Variants in PPP1R9A observed in about 807,000 individuals in gnomAD.
PPP1R9A encodes the protein protein phosphatase 1 regulatory subunit 9A.
In PPP1R9A, 59 loss-of-function variants were observed where a neutral mutation model predicts 141.9. The observed-to-expected ratio is 0.42, with a 90% CI of 0.34 to 0.52. The LOEUF (loss-of-function observed/expected upper bound fraction) is 0.52. Ranked by LOEUF, PPP1R9A falls within the 20% of genes least tolerant of loss-of-function variation. The pLI is 0.10. For missense variants in PPP1R9A, 1,444 were observed against 1,611.9 expected (o/e 0.90, Z 1.78); for synonymous variants, 500 against 569.7 (o/e 0.88, Z 1.74).
chr7:94,994,117 G>C (rs954326742), intron 2 of PPP1R9A, among the ~76,000 whole-genome samples: 2 of 152,054 alleles, frequency 1.3e-5, no homozygotes, highest in African/African-American at 4.8e-5. Flanking sequence ...AGGGAAAACT[G>C]TGTATTTTTT....
At chr7:94,969,461 T>C (rs868194133) in intron 2 of PPP1R9A, among the ~76,000 whole-genome samples, 1 of 152,040 alleles carries the variant, frequency 6.6e-6, no homozygotes. Flanking sequence ...TTTGCCTGGG[T>C]ATTACCAGTG....
intron 2 of PPP1R9A, among the ~76,000 whole-genome samples, chr7:95,006,708 A>G (rs1651587015): frequency 6.6e-6 from 1 of 152,186 alleles, no homozygotes. Context: ...CTAATTATAA[A>G]GAGTACTTTG....
chr7:94,985,280 T>C (rs1436330551), intron 2 of PPP1R9A, among the ~76,000 whole-genome samples: 1 of 152,226 alleles, frequency 6.6e-6, no homozygotes, highest in Non-Finnish European at 1.5e-5. Context: ...AATGTGATGC[T>C]GAGAATAATG....
chr7:95,240,717 TC>T (rs1410538185), intron 8 of PPP1R9A, among the ~76,000 whole-genome samples: 49 of 152,154 alleles, frequency 3.2e-4, no homozygotes, highest in African/African-American at 1.1e-3. Flanking sequence ...AAATGTTTAG[TC>T]TTCTTACTCT....
intron 12 of PPP1R9A, among the ~76,000 whole-genome samples, chr7:95,255,387 A>G: frequency 6.6e-6 from 1 of 152,182 alleles, no homozygotes; most frequent in East Asian, 1.9e-4. Context: ...CATATCCCAT[A>G]GAGATACTGA....
chr7:94,953,188 T>A (rs1796674015), intron 2 of PPP1R9A, among the ~76,000 whole-genome samples: 1 of 152,200 alleles, frequency 6.6e-6, no homozygotes, highest in Non-Finnish European at 1.5e-5. Context: ...CTAGCCAGTT[T>A]TCCCAACACC....
intron 16 of PPP1R9A, among the ~76,000 whole-genome samples, chr7:95,276,112 A>C (rs1395827850): frequency 1.3e-5 from 2 of 152,220 alleles, no homozygotes; most frequent in East Asian, 3.8e-4. Context: ...AAAGAGATGC[A>C]TAAATACATG....
intron 2 of PPP1R9A, among the ~76,000 whole-genome samples, chr7:95,097,718 T>C (rs1478844305): frequency 6.6e-6 from 1 of 152,238 alleles, no homozygotes; most frequent in Non-Finnish European, 1.5e-5. Context: ...TCATGACCTA[T>C]TAGATTGATT....
At chr7:95,150,154 C>CAAA in intron 4 of PPP1R9A, among the ~76,000 whole-genome samples, 1 of 92,446 alleles carries the variant, frequency 1.1e-5, no homozygotes. Flanking sequence ...ATCCCCCTGC[C>CAAA]AAAAAAAAAA....
intron 4 of PPP1R9A, among the ~76,000 whole-genome samples, chr7:95,146,272 A>G (rs1271939450): frequency 6.6e-6 from 1 of 152,146 alleles, no homozygotes; most frequent in Non-Finnish European, 1.5e-5. Context: ...TTGTTTTCAT[A>G]AGTTTTTTGG....
chr7:95,177,915 G>C (rs1175946485), intron 5 of PPP1R9A, among the ~76,000 whole-genome samples: 2 of 152,182 alleles, frequency 1.3e-5, no homozygotes, highest in Middle Eastern at 3.4e-3. Context: ...AAATGAGATA[G>C]ACAACAACAC....
intron 2 of PPP1R9A, among the ~76,000 whole-genome samples, chr7:95,077,208 TA>T (rs1434537804): frequency 6.6e-6 from 1 of 152,144 alleles, no homozygotes; most frequent in East Asian, 1.9e-4. Context: ...AACTTCTTTT[TA>T]TTTTTTTGTT....
chr7:95,079,839 C>T (rs566006218), intron 2 of PPP1R9A, among the ~76,000 whole-genome samples: 33 of 152,172 alleles, frequency 2.2e-4, no homozygotes, highest in Admixed American at 1.8e-3. Flanking sequence ...AGACAAAAAC[C>T]GCATGATTAT....
At chr7:95,287,530 T>A (rs1805575449) in intron 18 of PPP1R9A, among the ~76,000 whole-genome samples, 1 of 152,124 alleles carries the variant, frequency 6.6e-6, no homozygotes, top group Non-Finnish European at 1.5e-5. Context: ...GCTTAGTGGG[T>A]CTAGGAACCA....
At chr7:95,113,093 G>T (rs77456714) in intron 3 of PPP1R9A, among the ~76,000 whole-genome samples, 1 of 152,084 alleles carries the variant, frequency 6.6e-6, no homozygotes, top group African/African-American at 2.4e-5. Context: ...AAAAAAAGAC[G>T]TTCTTGAGCA....
chr7:95,016,395 G>A (rs977705235), intron 2 of PPP1R9A, among the ~76,000 whole-genome samples: 13 of 151,930 alleles, frequency 8.6e-5, no homozygotes, highest in South Asian at 2.1e-4. Context: ...TGCCAAAACC[G>A]GATAAAAACA....
At chr7:95,152,470 C>T (rs888665307) in intron 4 of PPP1R9A, among the ~76,000 whole-genome samples, 3 of 151,990 alleles carry the variant, frequency 2.0e-5, no homozygotes, top group African/African-American at 7.3e-5. Flanking sequence ...TTACAGCTTC[C>T]GTTTTGTCCC....
chr7:95,024,593 G>A lies in PPP1R9A; in HGVS notation c.1396-86666G>A, dbSNP rs186572496. Among the ~76,000 whole-genome samples the A allele has an allele frequency of 5.5e-3, 833 of 151,998 alleles. 6 individuals are homozygous for A. Among genetic ancestry groups the A allele is most frequent in the Non-Finnish European group, 8.4e-3 (574 of 67,964 alleles). ...GTCTGTTTTCTCTTAGAGTGGGATCGCAACCTCTGCTTTTTTTTTGTTTTC... is the reference window on the plus strand; with the variant it reads ...GTCTGTTTTCTCTTAGAGTGGGATCACAACCTCTGCTTTTTTTTTGTTTTC... On this transcript the variant is annotated intron_variant, in intron 2 of 19. Coordinates refer to ENST00000433360, the MANE Select transcript of PPP1R9A (RefSeq NM_001166160.2).
intron 8 of PPP1R9A, among the ~76,000 whole-genome samples, chr7:95,227,887 T>G (rs1795366657): frequency 6.6e-6 from 1 of 152,218 alleles, no homozygotes; most frequent in Non-Finnish European, 1.5e-5. Context: ...CCTCTTTTGT[T>G]TTACATTTAA....
Sources: allele counts gnomAD v4.1 joint callset (sites outside exome capture counted in the v4.1 genomes callset), GRCh38; gene constraint gnomAD v4.1.1; transcripts MANE v1.5; gene names NCBI Gene and HGNC (gene_info 2026-07-23, HGNC 2026-07-21).